The following FAM149B1 variants were observed in gnomAD, a reference collection of about 807,000 sequenced individuals.
FAM149B1 encodes the protein primary cilium assembly protein FAM149B1.
In FAM149B1, 56 loss-of-function variants were observed where a neutral mutation model predicts 75.3. The ratio of observed to expected loss-of-function variants is 0.74; its 90% CI spans 0.60 to 0.93. FAM149B1 has a LOEUF of 0.93. Ranked by LOEUF, FAM149B1 falls within the 40% of genes least tolerant of loss-of-function variation. The pLI is 0.00. For missense variants in FAM149B1, 639 were observed against 708.4 expected (o/e 0.90, Z 1.11); for synonymous variants, 259 against 256.1 (o/e 1.01, Z -0.11).
At position 73,234,936 on chromosome 10, in the gene FAM149B1, A is replaced by C. The variant is rs1182778922; in HGVS notation, c.1472A>C (p.Gln491Pro). 1 of 1,552,004 alleles carries C rather than the reference A, an allele frequency of 6.4e-7. No individual in the cohort carries two copies. The highest frequency in any genetic ancestry group is 2.4e-5 in the East Asian group (1 of 40,926). ...GTGAGCACTGTGGGGCCACAAAGAC[A>C]GATGGTATGTTTCTTTCATATTGCC... Reference protein sequence around the residue: ...EHVSTVGPQRQMKPHGDSSRA... With the variant: ...EHVSTVGPQRPMKPHGDSSRA... Residue 491 changes from glutamine to proline, a missense_variant, in exon 11 of 14, where the codon CAG becomes CCG. Physicochemically the swap from Gln to Pro is moderately conservative, Grantham distance 76. Transcript: ENST00000242505.
At position 73,168,220 on chromosome 10, in the gene FAM149B1, C is replaced by A; in HGVS notation, c.-120C>A. Reference sequence around the variant, plus strand: ...TCTAGGTGACGGGGCGAGACGGGGCCGGTAGGTGGCGGGAGGGGCCGGGCC... The same window carrying A: ...TCTAGGTGACGGGGCGAGACGGGGCAGGTAGGTGGCGGGAGGGGCCGGGCC... On this transcript the variant is annotated 5_prime_UTR_variant, in exon 1 of 14. Coordinates refer to ENST00000242505, the MANE Select transcript of FAM149B1 (RefSeq NM_173348.2). 9.5e-7 allele frequency: 1 copy of A among 1,057,176 alleles called. No homozygotes were observed. The highest frequency in any genetic ancestry group is 1.3e-6 in the Non-Finnish European group (1 of 743,486). 65.5% of individuals were successfully genotyped at this position (1,057,176 alleles called of 1,614,324 possible).
At chr10:73,231,760 G>T (rs537003600) in intron 9 of FAM149B1, among the ~76,000 whole-genome samples, 56 of 152,198 alleles carry the variant, frequency 3.7e-4, no homozygotes, top group African/African-American at 1.3e-3. Flanking sequence ...TACAGTGAGG[G>T]GCCATCTCAC....
chr10:73,220,595 T>C (rs1382726157), intron 7 of FAM149B1, among the ~76,000 whole-genome samples: 3 of 152,176 alleles, frequency 2.0e-5, no homozygotes, highest in South Asian at 2.1e-4. Flanking sequence ...AAAATTCATA[T>C]GTTGAAACCC....
intron 3 of FAM149B1, among the ~76,000 whole-genome samples, chr10:73,187,288 C>A (rs1160334818): frequency 6.8e-6 from 1 of 147,198 alleles, no homozygotes; most frequent in African/African-American, 2.5e-5. Context: ...CCAAATTAAT[C>A]TATATATCAG....
rs1443056477 is a variant in FAM149B1, at chr10:73,242,864, CCT to C, written c.*1848_*1849del. On this transcript the variant is annotated 3_prime_UTR_variant, in exon 14 of 14. Transcript: ENST00000242505. ...TACCTTTTTTATTGAATTATATACA[CCT>C]CTTACAAAAATGCTTGAAGTAATTT... 6.5e-5 allele frequency: 10 copies of C among 152,804 alleles called. No homozygotes were observed. The highest frequency in any genetic ancestry group is 2.4e-4 in the African/African-American group (10 of 41,434). The allele number at this position is 152,804 out of a possible 1,614,324, so 9.5% of individuals were successfully genotyped here. A position where few individuals can be genotyped will look rare whatever the true frequency, so the allele number is the denominator to read the frequency against.
chr10:73,177,956 A>G lies in FAM149B1; in HGVS notation c.263A>G (p.Asp88Gly). 1.9e-6 allele frequency: 3 copies of G among 1,551,224 alleles called. No individual in the cohort carries two copies. Among genetic ancestry groups the G allele is most frequent in the Non-Finnish European group, 2.6e-6 (3 of 1,146,848 alleles). ...GGGATATCTACTGAAGGAAGCTCGGACTTCTCCTGGGGATATGGTGTGAGT... is the reference window on the plus strand; with the variant it reads ...GGGATATCTACTGAAGGAAGCTCGGGCTTCTCCTGGGGATATGGTGTGAGT... Reference protein sequence around the residue: ...GAGISTEGSSDFSWGYGELDQ... With the variant: ...GAGISTEGSSGFSWGYGELDQ... The change falls in exon 3 of 14, where the codon GAC becomes GGC. Residue 88 changes from aspartate to glycine, a missense_variant. Coordinates refer to ENST00000242505, the MANE Select transcript of FAM149B1 (RefSeq NM_173348.2).
chr10:73,190,571 A>G (rs1234882505), intron 3 of FAM149B1, among the ~76,000 whole-genome samples: 1 of 152,098 alleles, frequency 6.6e-6, no homozygotes, highest in East Asian at 1.9e-4. Context: ...TTTTAGGGTG[A>G]AAATACATTA....
chr10:73,192,979 A>G (rs776835819), intron 4 of FAM149B1, among the ~76,000 whole-genome samples: 6 of 152,206 alleles, frequency 3.9e-5, no homozygotes, highest in Non-Finnish European at 8.8e-5. Context: ...CTTCTTTTGA[A>G]CAAGATGGTC....
intron 3 of FAM149B1, 65 bp from the exon 4 acceptor site, chr10:73,192,491 T>G: frequency 1.4e-6 from 2 of 1,459,722 alleles, no homozygotes; most frequent in Non-Finnish European, 9.3e-7. Context: ...GCTTTTAATC[T>G]TTATAATTTT....
intron 9 of FAM149B1, among the ~76,000 whole-genome samples, chr10:73,232,624 G>A (rs1366603370): frequency 1.3e-5 from 2 of 152,202 alleles, no homozygotes; most frequent in Non-Finnish European, 2.9e-5. Context: ...TTTGGAGTAG[G>A]TGTCCTTCAG....
chr10:73,235,371 G>A, intron 12 of FAM149B1, 53 bp downstream of exon 12: 4 of 1,547,336 alleles, frequency 2.6e-6, no homozygotes, highest in Non-Finnish European at 3.5e-6. Flanking sequence ...AAGAAAAGGT[G>A]GGGGGAATAA....
chr10:73,178,004 G>A, intron 3 of FAM149B1, 29 bp downstream of exon 3: 2 of 1,514,246 alleles, frequency 1.3e-6, no homozygotes, highest in Non-Finnish European at 1.8e-6. Flanking sequence ...GTCTGATAGA[G>A]TGCTTGGGAG....
chr10:73,195,856 A>G (rs1287418460), intron 5 of FAM149B1, among the ~76,000 whole-genome samples: 2 of 152,228 alleles, frequency 1.3e-5, no homozygotes, highest in African/African-American at 2.4e-5. Flanking sequence ...ACATATACTT[A>G]GAAGAAACAA....
intron 1 of FAM149B1, among the ~76,000 whole-genome samples, chr10:73,169,247 C>T (rs1843598755): frequency 6.6e-6 from 1 of 151,672 alleles, no homozygotes; most frequent in Admixed American, 6.6e-5. Context: ...ATCACTTGAA[C>T]CCGGGAGGCA....
At chr10:73,194,806 C>A (rs2042764197) in intron 5 of FAM149B1, among the ~76,000 whole-genome samples, 1 of 151,992 alleles carries the variant, frequency 6.6e-6, no homozygotes, top group Non-Finnish European at 1.5e-5. Context: ...GCCCCAGCCT[C>A]CTGATTAGCT....
At chr10:73,236,964 T>G (rs2043837232) in intron 12 of FAM149B1, among the ~76,000 whole-genome samples, 1 of 152,148 alleles carries the variant, frequency 6.6e-6, no homozygotes, top group Non-Finnish European at 1.5e-5. Context: ...TCCTCCCACC[T>G]CAGCCTCCCA....
At chr10:73,168,448 T>C in intron 1 of FAM149B1, 62 bp downstream of exon 1, 1 of 1,532,686 alleles carries the variant, frequency 6.5e-7, no homozygotes, top group East Asian at 2.5e-5. Context: ...GGACCCTCCT[T>C]GACCAGTCCT....
intron 6 of FAM149B1, among the ~76,000 whole-genome samples, chr10:73,209,826 G>A (rs746197457): frequency 6.6e-6 from 1 of 152,312 alleles, no homozygotes; most frequent in East Asian, 1.9e-4. Flanking sequence ...TTTTTAGGCT[G>A]TGCAGCTGTG....
rs1472034458 is a variant in FAM149B1, at chr10:73,230,418, G to A, written c.1024-4G>A. ...CAAGAGTACTGTCTTCTTTCAACAC[G>A]TAGATGAGTCTCTGTCAAGCAAGCA... is the stretch of plus-strand genomic sequence containing the variant. On this transcript the variant is annotated splice_region_variant and splice_polypyrimidine_tract_variant and intron_variant, in intron 8 of 13. Coordinates refer to ENST00000242505, the MANE Select transcript of FAM149B1 (RefSeq NM_173348.2). 5 of 1,502,244 alleles carry A rather than the reference G, an allele frequency of 3.3e-6. No individual in the cohort carries two copies. The highest frequency in any genetic ancestry group is 2.4e-5 in the South Asian group (2 of 83,048). 93.1% of individuals were successfully genotyped at this position (1,502,244 alleles called of 1,614,324 possible).
Sources: gnomAD v4.1 joint callset for allele counts (sites outside exome capture counted in the v4.1 genomes callset) on GRCh38, gnomAD v4.1.1 for gene constraint, MANE v1.5 for transcripts, NCBI Gene and HGNC (gene_info 2026-07-23, HGNC 2026-07-21) for gene names.